Variants in PRKAR1B observed in about 807,000 individuals in gnomAD.
PRKAR1B encodes the protein protein kinase cAMP-dependent type I regulatory subunit beta, also known as cAMP-dependent protein kinase type I-beta regulatory subunit.
Under a neutral mutation model 46.5 loss-of-function variants are expected in PRKAR1B, and 22 were observed. The ratio of observed to expected loss-of-function variants is 0.47; its 90% CI spans 0.34 to 0.68. The LOEUF is 0.68. Ranked by LOEUF, PRKAR1B falls within the 30% of genes least tolerant of loss-of-function variation. The pLI is 0.01. For missense variants in PRKAR1B, 445 were observed against 535.6 expected (o/e 0.83, Z 1.67); for synonymous variants, 259 against 217.7 (o/e 1.19, Z -1.67).
At position 588,591 on chromosome 7, in the gene PRKAR1B, A is replaced by ATCACGATGATGGTGG. The variant is rs1562541739; in HGVS notation, c.709-4024_709-4023insCCACCATCATCGTGA. The stretch of plus-strand genomic sequence containing the variant: ...GTTGGTGAGGATAGTGACAGTGGTG[A>ATCACGATGATGGTGG]TGACGGTGGTGATGGTGATGGTGGT... On this transcript the variant is annotated intron_variant, in intron 7 of 10. Transcript: ENST00000537384. 1.1e-3 allele frequency among the ~76,000 whole-genome samples: 74 copies of ATCACGATGATGGTGG among 67,008 alleles called. 8 individuals are homozygous for ATCACGATGATGGTGG. The highest frequency in any genetic ancestry group is 4.8e-3 in the African/African-American group (70 of 14,708). The allele number at this position is 67,008 out of a possible 152,430, so 44.0% of individuals were successfully genotyped here.
intron 4 of PRKAR1B, among the ~76,000 whole-genome samples, chr7:656,942 C>T (rs117884596): frequency 7.0e-5 from 9 of 128,464 alleles, no homozygotes; most frequent in South Asian, 2.3e-4. Context: ...AATGAGTGAA[C>T]GAATGAATGG....
chr7:726,991 G>A, intron 1 of PRKAR1B: 4 of 1,268,128 alleles, frequency 3.2e-6, no homozygotes, highest in Non-Finnish European at 2.0e-6. Flanking sequence ...CCCCGCCGAG[G>A]GCTGCCGCGC....
chr7:585,623 C>T (rs952320751), intron 7 of PRKAR1B, among the ~76,000 whole-genome samples: 15 of 152,174 alleles, frequency 9.9e-5, no homozygotes, highest in African/African-American at 3.1e-4. Flanking sequence ...AGGGAACTTG[C>T]TGTGTTGAAC....
chr7:698,966 C>G (rs1583436846), intron 2 of PRKAR1B, among the ~76,000 whole-genome samples: 1 of 152,242 alleles, frequency 6.6e-6, no homozygotes, highest in Non-Finnish European at 1.5e-5. Context: ...CACCCCAGCT[C>G]CAGCCTGCCA....
intron 4 of PRKAR1B, among the ~76,000 whole-genome samples, chr7:610,272 C>T (rs1782399882): frequency 6.6e-6 from 1 of 152,156 alleles, no homozygotes; most frequent in African/African-American, 2.4e-5. Flanking sequence ...GGGCTGAAAC[C>T]CTTCCTGGGA....
intron 2 of PRKAR1B, among the ~76,000 whole-genome samples, chr7:698,639 CA>C (rs1365668979): frequency 2.6e-5 from 4 of 151,994 alleles, no homozygotes; most frequent in African/African-American, 9.6e-5. Flanking sequence ...TGTACACATG[CA>C]TGCAAACACA....
rs554383454 is a variant in PRKAR1B, at chr7:706,658, C to T, written c.177+4671G>A. ...GCCAGAATGGTCTCGATCTCCTGAC[C>T]TCGTGATCCGCCCGCCTCAGCCTCC... On this transcript the variant is annotated intron_variant, in intron 2 of 10. Coordinates refer to ENST00000537384, the MANE Select transcript of PRKAR1B (RefSeq NM_001164760.2). Among the ~76,000 whole-genome samples, 354 of 149,688 alleles carry T rather than the reference C, an allele frequency of 2.4e-3. 2 individuals carry two copies. The highest frequency in any genetic ancestry group is 8.5e-3 in the African/African-American group (346 of 40,660).
At chr7:585,402 T>G (rs192878996) in intron 7 of PRKAR1B, among the ~76,000 whole-genome samples, 1 of 152,112 alleles carries the variant, frequency 6.6e-6, no homozygotes, top group Non-Finnish European at 1.5e-5. Flanking sequence ...GATTCAGCAC[T>G]GCACATTCCA....
intron 9 of PRKAR1B, among the ~76,000 whole-genome samples, chr7:572,372 TG>T (rs1260726372): frequency 1.3e-5 from 2 of 152,240 alleles, no homozygotes; most frequent in African/African-American, 4.8e-5. Context: ...CCCGTGGGGT[TG>T]GGGACAAGGA....
chr7:634,324 A>G (rs1326325135), intron 4 of PRKAR1B, among the ~76,000 whole-genome samples: 1 of 151,606 alleles, frequency 6.6e-6, no homozygotes, highest in Non-Finnish European at 1.5e-5. Flanking sequence ...ACCCGGCCCA[A>G]AAAAAAACAT....
At chr7:614,134 G>A (rs144514748) in intron 4 of PRKAR1B, among the ~76,000 whole-genome samples, 24 of 152,376 alleles carry the variant, frequency 1.6e-4, no homozygotes, top group Admixed American at 1.4e-3. Flanking sequence ...ACCAGGACAG[G>A]CCAACGCAGG....
At chr7:656,979 GGACGGA>G (rs1785237705) in intron 4 of PRKAR1B, among the ~76,000 whole-genome samples, 1 of 151,886 alleles carries the variant, frequency 6.6e-6, no homozygotes, top group Non-Finnish European at 1.5e-5. Context: ...ATGGATGGAC[GGACGGA>G]TGGATGAATG....
chr7:698,498 G>GT (rs1177413838), intron 2 of PRKAR1B, among the ~76,000 whole-genome samples: 1 of 151,986 alleles, frequency 6.6e-6, no homozygotes, highest in Admixed American at 6.5e-5. Flanking sequence ...GTGTGTCTAG[G>GT]TAAGTACGTG....
intron 4 of PRKAR1B, among the ~76,000 whole-genome samples, chr7:676,725 T>A (rs1206807334): frequency 1.3e-5 from 2 of 152,210 alleles, no homozygotes; most frequent in Non-Finnish European, 2.9e-5. Flanking sequence ...CGCCGAGCGT[T>A]CTGTATTCCA....
At chr7:568,942 G>C (rs770554719) in intron 9 of PRKAR1B, among the ~76,000 whole-genome samples, 9 of 152,098 alleles carry the variant, frequency 5.9e-5, no homozygotes, top group Non-Finnish European at 1.0e-4. Context: ...GGGCCCGCGG[G>C]GGGTGGTTCG....
At chr7:583,428 A>ACACGTGCACACT (rs1780337679) in intron 8 of PRKAR1B, among the ~76,000 whole-genome samples, 1 of 53,974 alleles carries the variant, frequency 1.9e-5, no homozygotes, top group Admixed American at 1.5e-4. Flanking sequence ...GCACACACGC[A>ACACGTGCACACT]CACACCCACA....
chr7:701,129 A>G (rs1357679928), intron 2 of PRKAR1B, among the ~76,000 whole-genome samples: 1 of 151,808 alleles, frequency 6.6e-6, no homozygotes, highest in African/African-American at 2.4e-5. Context: ...CAGAGGTTAC[A>G]GTAAGCCGAG....
At chr7:613,345 A>G (rs1782633076) in intron 4 of PRKAR1B, among the ~76,000 whole-genome samples, 1 of 151,628 alleles carries the variant, frequency 6.6e-6, no homozygotes, top group African/African-American at 2.4e-5. Flanking sequence ...ATCATTGGAG[A>G]AAACACGACA....
At chr7:610,523 A>C (rs776850919) in intron 4 of PRKAR1B, among the ~76,000 whole-genome samples, 2 of 152,188 alleles carry the variant, frequency 1.3e-5, no homozygotes, top group African/African-American at 2.4e-5. Context: ...CTCGTGTACC[A>C]AAAAGGTCTG....
Sources: allele counts gnomAD v4.1 joint callset (sites outside exome capture counted in the v4.1 genomes callset), GRCh38; gene constraint gnomAD v4.1.1; transcripts MANE v1.5; gene names NCBI Gene and HGNC (gene_info 2026-07-23, HGNC 2026-07-21).